Variants in NEURL1 observed in about 807,000 individuals in gnomAD.
The protein encoded by NEURL1 is neuralized E3 ubiquitin protein ligase 1, also known as E3 ubiquitin-protein ligase NEURL1.
In NEURL1, 26 loss-of-function variants were observed where a neutral mutation model predicts 41.2. The ratio of observed to expected loss-of-function variants is 0.63; its 90% CI spans 0.46 to 0.87. The LOEUF is 0.87. Ranked by LOEUF, NEURL1 falls within the 40% of genes least tolerant of loss-of-function variation. The probability of loss-of-function intolerance (pLI) is 0.00; values close to 1 mark genes in which losing one functional copy is unlikely to be tolerated. For missense variants in NEURL1, 761 were observed against 871.1 expected (o/e 0.87, Z 1.59); for synonymous variants, 400 against 402.3 (o/e 0.99, Z 0.07).
At chr10:103,503,205 G>C (rs1419932929) in intron 1 of NEURL1, among the ~76,000 whole-genome samples, 1 of 152,262 alleles carries the variant, frequency 6.6e-6, no homozygotes, top group African/African-American at 2.4e-5. Context: ...GTGGTGAGGG[G>C]CTGGGGAGAG....
At position 103,542,683 on chromosome 10, in the gene NEURL1, C is replaced by A. The variant is rs544426767; in HGVS notation, c.86-28189C>A. ...CCACCATGTCCATTACAGTCACTTA[C>A]TAGTTTTTTGTGGCTTAGACAAGTC... On this transcript the variant is annotated intron_variant, in intron 1 of 5. Coordinates refer to ENST00000369780, the MANE Select transcript of NEURL1 (RefSeq NM_004210.5). Among the ~76,000 whole-genome samples the A allele has an allele frequency of 3.9e-5, 6 of 152,278 alleles. No individual in the cohort carries two copies. In the South Asian group the frequency reaches 1.2e-3, roughly 32 times the overall value.
chr10:103,530,398 A>G (rs909221247), intron 1 of NEURL1, among the ~76,000 whole-genome samples: 4 of 151,886 alleles, frequency 2.6e-5, no homozygotes. Flanking sequence ...ATGTTTCAAG[A>G]CATTTTTAAA....
intron 1 of NEURL1, among the ~76,000 whole-genome samples, chr10:103,563,891 A>T (rs867164851): frequency 7.2e-5 from 11 of 152,152 alleles, no homozygotes; most frequent in African/African-American, 2.7e-4. Flanking sequence ...ACTTCAGAGG[A>T]TCTGTGCCAG....
chr10:103,577,207 G>C (rs1441404815), intron 3 of NEURL1, among the ~76,000 whole-genome samples: 1 of 151,990 alleles, frequency 6.6e-6, no homozygotes, highest in Non-Finnish European at 1.5e-5. Flanking sequence ...GGGTTTTCTG[G>C]TGCTTCCTTT....
chr10:103,590,647 G>T lies in NEURL1; in HGVS notation c.*275G>T, dbSNP rs1278546159. 3 of 495,314 alleles carry T rather than the reference G, an allele frequency of 6.1e-6. No homozygotes were observed. The highest frequency in any genetic ancestry group is 1.9e-5 in the African/African-American group (1 of 51,858). 30.7% of individuals were successfully genotyped at this position (495,314 alleles called of 1,614,324 possible). A position where few individuals can be genotyped will look rare whatever the true frequency, so the allele number is the denominator to read the frequency against. The stretch of plus-strand genomic sequence containing the variant: ...TGCACCCAGCTCCTCTCTGCATGCT[G>T]AGGGCTAAATTGGGATCTCAGCCTG... On this transcript the variant is annotated 3_prime_UTR_variant, in exon 6 of 6. Transcript: ENST00000369780.
chr10:103,515,243 A>AG (rs1218335251), intron 1 of NEURL1: 2 of 82,906 alleles, frequency 2.4e-5, no homozygotes, highest in African/African-American at 6.8e-5. Flanking sequence ...AAAAAAAAAA[A>AG]AAAAAAAAAA....
Position 103,588,132 on chromosome 10 carries a change from G to A in NEURL1, c.1340-1382G>A, listed in dbSNP as rs568712446. ...ACCCTGGTTAACATGATGAAACCCCGTTTCTACTAAAAATACAAAAAAAAT... is the reference window on the plus strand; with the variant it reads ...ACCCTGGTTAACATGATGAAACCCCATTTCTACTAAAAATACAAAAAAAAT... On this transcript the variant is annotated intron_variant, in intron 4 of 5. Transcript: ENST00000369780. Among the ~76,000 whole-genome samples the A allele has an allele frequency of 2.0e-5, 3 of 151,934 alleles. No homozygotes were observed. In the South Asian group the frequency reaches 6.3e-4, roughly 32 times the overall value.
chr10:103,575,521 A>G (rs1390446637), intron 3 of NEURL1, among the ~76,000 whole-genome samples: 1 of 152,236 alleles, frequency 6.6e-6, no homozygotes, highest in Non-Finnish European at 1.5e-5. Flanking sequence ...TAGCTGGCAC[A>G]TAGTAGGTAA....
At chr10:103,560,340 G>A (rs2035266205) in intron 1 of NEURL1, among the ~76,000 whole-genome samples, 1 of 152,180 alleles carries the variant, frequency 6.6e-6, no homozygotes, top group African/African-American at 2.4e-5. Context: ...GGAATCTTGA[G>A]GTGGGACACA....
At chr10:103,578,590 A>G (rs946494074) in intron 3 of NEURL1, among the ~76,000 whole-genome samples, 1 of 152,192 alleles carries the variant, frequency 6.6e-6, no homozygotes, top group Admixed American at 6.5e-5. Flanking sequence ...TTTTTAAAAA[A>G]GTTTGAGACC....
At chr10:103,525,358 CTTT>C (rs554506607) in intron 1 of NEURL1, among the ~76,000 whole-genome samples, 56 of 136,092 alleles carry the variant, frequency 4.1e-4, no homozygotes, top group Non-Finnish European at 7.5e-4. Flanking sequence ...TTTCTTTTTT[CTTT>C]TTTTTTTTTT....
At chr10:103,499,021 C>T (rs73330696) in intron 1 of NEURL1, among the ~76,000 whole-genome samples, 3,819 of 152,312 alleles carry the variant, frequency 0.025, 175 homozygotes, top group African/African-American at 0.087. Flanking sequence ...TTTGTTTGAA[C>T]ACCTGTTTTC....
intron 1 of NEURL1, among the ~76,000 whole-genome samples, chr10:103,502,241 G>T (rs1213459983): frequency 3.9e-5 from 6 of 152,170 alleles, no homozygotes; most frequent in Non-Finnish European, 8.8e-5. Context: ...CTCTTTTCCT[G>T]GGCCCTCTGG....
chr10:103,546,454 G>T (rs1349794407), intron 1 of NEURL1, among the ~76,000 whole-genome samples: 2 of 152,250 alleles, frequency 1.3e-5, no homozygotes. Flanking sequence ...TAAGATACTG[G>T]TGACATTGTT....
intron 3 of NEURL1, chr10:103,577,493 C>T (rs534091527): frequency 2.6e-5 from 4 of 152,756 alleles, no homozygotes; most frequent in African/African-American, 9.6e-5. Flanking sequence ...GATAACCTGC[C>T]CAAGGTCACA....
intron 1 of NEURL1, among the ~76,000 whole-genome samples, chr10:103,506,437 T>G (rs905901296): frequency 6.6e-6 from 1 of 152,118 alleles, no homozygotes; most frequent in Admixed American, 6.5e-5. Context: ...AATTGAGAGG[T>G]GAGTACTGGG....
intron 1 of NEURL1, among the ~76,000 whole-genome samples, chr10:103,560,179 A>T (rs1008636177): frequency 1.3e-4 from 20 of 150,534 alleles, no homozygotes; most frequent in African/African-American, 3.7e-4. Flanking sequence ...GTACACATGC[A>T]TGACTGTGGA....
chr10:103,512,391 A>C (rs1344102789), intron 1 of NEURL1, among the ~76,000 whole-genome samples: 1 of 152,220 alleles, frequency 6.6e-6, no homozygotes, highest in Non-Finnish European at 1.5e-5. Context: ...CTGTGCAGCC[A>C]ACCCACAGGA....
intron 3 of NEURL1, among the ~76,000 whole-genome samples, chr10:103,580,056 GC>G (rs1348744095): frequency 1.3e-5 from 2 of 152,122 alleles, no homozygotes; most frequent in Non-Finnish European, 2.9e-5. Flanking sequence ...CAGACTCCCT[GC>G]CCAGGGCTGG....
Sources: gnomAD v4.1 joint callset for allele counts (sites outside exome capture counted in the v4.1 genomes callset) on GRCh38, gnomAD v4.1.1 for gene constraint, MANE v1.5 for transcripts, NCBI Gene and HGNC (gene_info 2026-07-23, HGNC 2026-07-21) for gene names.